NFE2L2: variants seen among roughly 807,000 people sequenced by gnomAD.
NFE2L2 encodes NFE2 like bZIP transcription factor 2.
In NFE2L2, 20 loss-of-function variants were observed where a neutral mutation model predicts 49.6. The observed-to-expected ratio is 0.40, with a 90% confidence interval of 0.28 to 0.59. NFE2L2 has a LOEUF of 0.59. Ranked by LOEUF, NFE2L2 falls within the 20% of genes least tolerant of loss-of-function variation. The probability of loss-of-function intolerance (pLI) is 0.40; values close to 1 mark genes in which losing one functional copy is unlikely to be tolerated. For synonymous variants in NFE2L2, 244 were observed against 256.5 expected, an observed-to-expected ratio of 0.95 and a Z score of 0.47; for missense variants, 578 against 714.2, an observed-to-expected ratio of 0.81 and a Z score of 2.17.
intron 1 of NFE2L2, among the ~76,000 whole-genome samples, chr2:177,261,547 A>G (rs1004794894): frequency 6.6e-6 from 1 of 152,116 alleles, no homozygotes; most frequent in Non-Finnish European, 1.5e-5. Context: ...TTGGCCACTC[A>G]ATAGTATGGT....
chr2:177,230,396 A>AT lies in NFE2L2; in HGVS notation c.*388dup, dbSNP rs1443100121. 2 of 234,878 alleles carry AT rather than the reference A, an allele frequency of 8.5e-6. No individual in the cohort carries two copies. Among genetic ancestry groups the AT allele is most frequent in the Non-Finnish European group, 1.7e-5 (2 of 119,250 alleles). 14.5% of individuals were successfully genotyped at this position (234,878 alleles called of 1,614,324 possible). On this transcript the variant is annotated 3_prime_UTR_variant, in exon 5 of 5. Transcript: ENST00000397062. Reference sequence around the variant, plus strand: ...TAAACAATTTAATATAAAAAATGCCATTTTTTGTCCATACAGTATTTATAA... The same window carrying AT: ...TAAACAATTTAATATAAAAAATGCCATTTTTTTGTCCATACAGTATTTATAA...
At chr2:177,263,131 T>G (rs759323281) in intron 1 of NFE2L2, among the ~76,000 whole-genome samples, 2 of 152,236 alleles carry the variant, frequency 1.3e-5, no homozygotes, top group Non-Finnish European at 2.9e-5. Flanking sequence ...GTTAGAAATA[T>G]AAATATCTAC....
intron 1 of NFE2L2, among the ~76,000 whole-genome samples, chr2:177,261,184 A>AAC (rs1370097222): frequency 6.9e-6 from 1 of 143,982 alleles, no homozygotes; most frequent in Non-Finnish European, 1.5e-5. Context: ...AAAAAAAAAA[A>AAC]ACAAAAAACA....
intron 1 of NFE2L2, among the ~76,000 whole-genome samples, chr2:177,245,245 C>T (rs937495901): frequency 5.9e-5 from 9 of 151,992 alleles, no homozygotes; most frequent in African/African-American, 1.9e-4. Context: ...TGTCACGGAA[C>T]GCTACAACTG....
At chr2:177,235,720 G>A (rs912820300) in intron 1 of NFE2L2, among the ~76,000 whole-genome samples, 6 of 152,066 alleles carry the variant, frequency 3.9e-5, no homozygotes, top group Non-Finnish European at 8.8e-5. Flanking sequence ...CCAACTATTA[G>A]GGAGACTGAA....
chr2:177,239,035 G>A (rs985734057), intron 1 of NFE2L2, among the ~76,000 whole-genome samples: 1 of 152,114 alleles, frequency 6.6e-6, no homozygotes, highest in African/African-American at 2.4e-5. Context: ...CCTGCTGTGA[G>A]TACCCTTCAA....
intron 1 of NFE2L2, among the ~76,000 whole-genome samples, chr2:177,259,907 G>A (rs1690667768): frequency 6.6e-6 from 1 of 152,100 alleles, no homozygotes; most frequent in African/African-American, 2.4e-5. Context: ...ACTCCAGCCT[G>A]GGCGACAGAG....
In NFE2L2 at chr2:177,232,143, T is replaced by A; in HGVS notation, c.595-135A>T. ...TTTATTATCTATAATTCAGAGATAA[T>A]TCTCATTTCCAATACATATTTACGC... On this transcript the variant is annotated intron_variant, in intron 4 of 4. Transcript: ENST00000397062. 3 of 1,015,624 alleles carry A rather than the reference T, an allele frequency of 3.0e-6. 1 individual carries two copies. Among genetic ancestry groups the A allele is most frequent in the South Asian group, 3.6e-5 (2 of 55,382 alleles). 62.9% of individuals were successfully genotyped at this position (1,015,624 alleles called of 1,614,324 possible).
chr2:177,243,481 T>G (rs1165983752), intron 1 of NFE2L2, among the ~76,000 whole-genome samples: 4 of 152,220 alleles, frequency 2.6e-5, no homozygotes, highest in Admixed American at 2.6e-4. Flanking sequence ...TTTGTAAAGA[T>G]AAATGTAAAG....
rs1690871519 is a variant in NFE2L2, at chr2:177,264,652, G to A, written c.-76C>T. 17 of 1,321,132 alleles carry A rather than the reference G, an allele frequency of 1.3e-5. No homozygotes were observed. The South Asian group carries it at 2.7e-4, about 21-fold the overall frequency. The allele number at this position is 1,321,132 out of a possible 1,614,324, so 81.8% of individuals were successfully genotyped here. On this transcript the variant is annotated 5_prime_UTR_variant, in exon 1 of 5. Transcript: ENST00000397062. ...GCTGCCGAGGCGCGGCGCGGACAGG[G>A]CGGCTCTGGTGGCGGCGGCGGCGGC...
At chr2:177,242,775 C>A (rs138239588) in intron 1 of NFE2L2, among the ~76,000 whole-genome samples, 1 of 152,100 alleles carries the variant, frequency 6.6e-6, no homozygotes, top group African/African-American at 2.4e-5. Context: ...ATGCAGAGTT[C>A]GGTCAAAAAG....
rs1484996566 is a variant in NFE2L2 at position 177,234,046 on chromosome 2, G to C, written c.271C>G (p.His91Asp). 2 of 1,614,200 alleles carry C rather than the reference G, an allele frequency of 1.2e-6. No individual in the cohort carries two copies. The highest frequency in any genetic ancestry group is 2.2e-5 in the South Asian group (2 of 91,088). The part of the protein sequence containing the change: ...GEFLPIQPAQ[H>D]IQSETSGSAN... ...GATCCACTGGTTTCTGACTGGATGTGCTGGGCTGGCTGAATTGGGAGAAAT... is the reference window on the plus strand; with the variant it reads ...GATCCACTGGTTTCTGACTGGATGTCCTGGGCTGGCTGAATTGGGAGAAAT... Residue 91 changes from histidine (H) to aspartate (D), a missense_variant, in exon 2 of 5, where the codon CAC becomes GAC. By Grantham distance (81) the His-to-Asp change is moderately conservative (BLOSUM62 -1). Around this residue, in one of 3 missense-constraint regions of NFE2L2, gnomAD observed 93 missense variants for 153.9 expected, o/e 0.60. Transcript: ENST00000397062.
At chr2:177,248,233 T>C (rs1690206062) in intron 1 of NFE2L2, among the ~76,000 whole-genome samples, 1 of 152,166 alleles carries the variant, frequency 6.6e-6, no homozygotes, top group Non-Finnish European at 1.5e-5. Flanking sequence ...CTAACACAAA[T>C]TAGATTTCAA....
At position 177,231,133 on chromosome 2, in the gene NFE2L2, G is replaced by A. The variant is rs1276438169; in HGVS notation, c.1470C>T (p.Phe490=). 1.2e-6 allele frequency: 2 copies of A among 1,614,074 alleles called. No individual in the cohort carries two copies. The highest frequency in any genetic ancestry group is 1.7e-5 in the Admixed American group (1 of 60,014). The stretch of plus-strand genomic sequence containing the variant: ...GAATTAATGCAAGTTGAGCTTCATT[G>A]AACTGCTCTTTGGACATCATTTCGT... ...DFNEMMSKEQ[F]NEAQLALIRD... The change falls in exon 5 of 5, where the codon TTC becomes TTT. Residue 490 remains phenylalanine (F), a synonymous_variant. Transcript: ENST00000397062.
intron 1 of NFE2L2, among the ~76,000 whole-genome samples, chr2:177,262,525 A>T (rs1690777244): frequency 6.6e-6 from 1 of 152,270 alleles, no homozygotes; most frequent in Non-Finnish European, 1.5e-5. Context: ...TATGGATGAC[A>T]ACAATCTAAT....
chr2:177,243,537 G>A (rs1233709396), intron 1 of NFE2L2, among the ~76,000 whole-genome samples: 2 of 151,930 alleles, frequency 1.3e-5, no homozygotes, highest in Non-Finnish European at 2.9e-5. Flanking sequence ...TTTTTTAAAA[G>A]AGATTAAGAG....
At chr2:177,238,650 T>C (rs1341855995) in intron 1 of NFE2L2, among the ~76,000 whole-genome samples, 1 of 152,240 alleles carries the variant, frequency 6.6e-6, no homozygotes, top group Non-Finnish European at 1.5e-5. Flanking sequence ...ATAATGAGGT[T>C]GTGGACCTAA....
intron 1 of NFE2L2, among the ~76,000 whole-genome samples, chr2:177,237,326 G>C (rs908432143): frequency 1.3e-5 from 2 of 152,124 alleles, no homozygotes; most frequent in East Asian, 3.9e-4. Flanking sequence ...CAGTTTCCTG[G>C]CCAAGAGCAA....
At position 177,230,561 on chromosome 2, in the gene NFE2L2, C is replaced by A; in HGVS notation, c.*224G>T. On this transcript the variant is annotated 3_prime_UTR_variant, in exon 5 of 5. Transcript: ENST00000397062. ...GTATTTACACTTACACAGAAACTAG[C>A]CCAAATGGTGTCCTAAGAAATTGTT... 2 of 462,236 alleles carry A rather than the reference C, an allele frequency of 4.3e-6. No homozygotes were observed. The highest frequency in any genetic ancestry group is 3.9e-5 in the Admixed American group (1 of 25,396). The allele number at this position is 462,236 out of a possible 1,614,324, so 28.6% of individuals were successfully genotyped here. A position where few individuals can be genotyped will look rare whatever the true frequency, so the allele number is the denominator to read the frequency against.
Sources: allele counts gnomAD v4.1 joint callset (sites outside exome capture counted in the v4.1 genomes callset), GRCh38; gene constraint gnomAD v4.1.1; regional missense constraint gnomAD v4.1.1; transcripts MANE v1.5; gene names NCBI Gene and HGNC (gene_info 2026-07-23, HGNC 2026-07-21).